HEATR6: variants seen among roughly 807,000 people sequenced by gnomAD.
HEATR6 encodes HEAT repeat containing 6.
A neutral mutation model predicts 132.8 loss-of-function variants in HEATR6; 106 were observed. The ratio of observed to expected loss-of-function variants is 0.80; its 90% CI spans 0.68 to 0.94. The LOEUF (loss-of-function observed/expected upper bound fraction) is 0.94, where lower values mean the gene tolerates loss of function less well. Among genes scored for constraint, HEATR6 ranks in the 40% least tolerant of loss-of-function variants. The pLI is 0.00. For missense variants in HEATR6, 1,339 were observed against 1,425.1 expected, an observed-to-expected ratio of 0.94 and a Z score of 0.97; for synonymous variants, 529 against 537.8, an observed-to-expected ratio of 0.98 and a Z score of 0.23.
At chr17:60,078,108 G>C (rs888550548) in intron 1 of HEATR6, among the ~76,000 whole-genome samples, 1 of 152,186 alleles carries the variant, frequency 6.6e-6, no homozygotes, top group Non-Finnish European at 1.5e-5. Context: ...TCTTTCCTAC[G>C]TAGGGCCAGA....
At chr17:60,051,385 T>C (rs1906571537) in intron 14 of HEATR6, among the ~76,000 whole-genome samples, 1 of 152,230 alleles carries the variant, frequency 6.6e-6, no homozygotes, top group African/African-American at 2.4e-5. Flanking sequence ...ATTCCTACTT[T>C]TTCACACAAG....
chr17:60,061,374 A>C (rs1444555818), intron 9 of HEATR6, among the ~76,000 whole-genome samples: 1 of 152,238 alleles, frequency 6.6e-6, no homozygotes, highest in Non-Finnish European at 1.5e-5. Flanking sequence ...AGAATTAAGC[A>C]TAATCCCCTA....
intron 1 of HEATR6, among the ~76,000 whole-genome samples, chr17:60,077,412 G>C (rs1243265220): frequency 6.6e-6 from 1 of 152,214 alleles, no homozygotes; most frequent in African/African-American, 2.4e-5. Context: ...AGTAACAGGA[G>C]AGAATGGAAG....
Position 60,043,969 on chromosome 17 carries a change from A to C in HEATR6, c.3140T>G (p.Val1047Gly). 1 of 1,614,106 alleles carries C rather than the reference A, an allele frequency of 6.2e-7. No individual in the cohort carries two copies. Among genetic ancestry groups the C allele is most frequent in the Non-Finnish European group, 8.5e-7 (1 of 1,180,028 alleles). The change falls in exon 20 of 20, where the codon GTC becomes GGC. Residue 1047 changes from valine (V) to glycine (G), a missense_variant. Coordinates refer to ENST00000184956, the MANE Select transcript of HEATR6 (RefSeq NM_022070.5). The part of the protein sequence containing the change: ...DQYARIWNAL[V>G]TALQKSEDTI... ...GTCTTCACTCTTCTGTAAAGCGGTG[A>C]CCAATGCATTCCAGATCCGAGCATA... is the stretch of plus-strand genomic sequence containing the variant.
intron 9 of HEATR6, among the ~76,000 whole-genome samples, chr17:60,061,396 T>G (rs2083210239): frequency 6.6e-6 from 1 of 152,150 alleles, no homozygotes; most frequent in Admixed American, 6.5e-5. Flanking sequence ...GGTGGGAAAT[T>G]GACAATGTAT....
chr17:60,055,873 A>T (rs1407727696), intron 13 of HEATR6, among the ~76,000 whole-genome samples: 1 of 152,202 alleles, frequency 6.6e-6, no homozygotes, highest in African/African-American at 2.4e-5. Flanking sequence ...TCTTTCAAGG[A>T]CTGAAATCAA....
chr17:60,077,509 A>G lies in HEATR6; in HGVS notation c.219+1187T>C, dbSNP rs1237143056. Among the ~76,000 whole-genome samples, 5 of 152,184 alleles carry G rather than the reference A, an allele frequency of 3.3e-5. No homozygotes were observed. The East Asian group carries it at 7.7e-4, about 23-fold the overall frequency. ...CTCACTCTGCTTCCTAATGACATAC[A>G]CTATTATTCTGTAGTCAATTCTTTC... On this transcript the variant is annotated intron_variant, in intron 1 of 19. Coordinates refer to ENST00000184956, the MANE Select transcript of HEATR6 (RefSeq NM_022070.5).
At chr17:60,066,947 G>A (rs1247385166) in intron 8 of HEATR6, among the ~76,000 whole-genome samples, 4 of 152,178 alleles carry the variant, frequency 2.6e-5, no homozygotes, top group Non-Finnish European at 5.9e-5. Flanking sequence ...ATATTCTAAG[G>A]AGAGGAATGA....
chr17:60,049,299 T>G (rs1906501811), intron 16 of HEATR6, among the ~76,000 whole-genome samples: 1 of 151,506 alleles, frequency 6.6e-6, no homozygotes, highest in African/African-American at 2.4e-5. Flanking sequence ...TGGCTAATTT[T>G]TAAAATTTTT....
At chr17:60,050,775 A>C in intron 15 of HEATR6, 68 bp downstream of exon 15, 1 of 1,581,216 alleles carries the variant, frequency 6.3e-7, no homozygotes, top group Non-Finnish European at 8.6e-7. Context: ...TTCAAAATGC[A>C]AAAGCATCAA....
At chr17:60,076,087 TC>T in intron 2 of HEATR6, 42 bp downstream of exon 2, 4 of 1,197,862 alleles carry the variant, frequency 3.3e-6, no homozygotes, top group Non-Finnish European at 5.0e-6. Context: ...TTACTTACTC[TC>T]AAAGTTCATG....
chr17:60,075,570 A>G (rs1568649928), intron 2 of HEATR6: 1 of 152,240 alleles, frequency 6.6e-6, no homozygotes, highest in Non-Finnish European at 1.5e-5. Context: ...AAGCATCAAA[A>G]GTAGACCATA....
chr17:60,048,943 C>A (rs994583044), intron 16 of HEATR6, among the ~76,000 whole-genome samples: 33 of 120,994 alleles, frequency 2.7e-4, no homozygotes, highest in South Asian at 5.1e-4. Flanking sequence ...AGGCTGTGTG[C>A]TAAGTAATTA....
At chr17:60,049,892 G>A (rs1035455679) in intron 15 of HEATR6, among the ~76,000 whole-genome samples, 190 bp from the exon 16 acceptor site, 1 of 152,210 alleles carries the variant, frequency 6.6e-6, no homozygotes, top group Non-Finnish European at 1.5e-5. Context: ...CCCACTTTGT[G>A]CAAGACACAC....
rs1473228821 is a variant in HEATR6, at chr17:60,042,124, G to A, written c.*1439C>T. 1.3e-5 allele frequency among the ~76,000 whole-genome samples: 2 copies of A among 152,162 alleles called. No individual in the cohort carries two copies. The highest frequency in any genetic ancestry group is 2.4e-5 in the African/African-American group (1 of 41,434). ...TTTTCTTAAAGGCACAAATTAAAAG[G>A]TGGCAAAACAACCATATATTTAGTG... On this transcript the variant is annotated 3_prime_UTR_variant, in exon 20 of 20. Transcript: ENST00000184956.
At position 60,044,079 on chromosome 17, in the gene HEATR6, T is replaced by C; in HGVS notation, c.3030A>G (p.Ser1010=). 1 of 1,614,112 alleles carries C rather than the reference T, an allele frequency of 6.2e-7. No individual in the cohort carries two copies. The highest frequency in any genetic ancestry group is 8.5e-7 in the Non-Finnish European group (1 of 1,179,998). ...AYNALTSVVT[S]CKNFKVRIRS... ...TGATGCGCACTTTGAAGTTCTTGCA[T>C]GATGTCACGACCGATGTCAGGGCAT... The change falls in exon 20 of 20, where the codon TCA becomes TCG. Residue 1010 remains serine, a synonymous_variant. Transcript: ENST00000184956.
In HEATR6 at chr17:60,043,739, T is replaced by G; in HGVS notation, c.3370A>C (p.Ser1124Arg). 6.2e-7 allele frequency: 1 copy of G among 1,614,208 alleles called. No individual in the cohort carries two copies. The highest frequency in any genetic ancestry group is 8.5e-7 in the Non-Finnish European group (1 of 1,180,032). The change falls in exon 20 of 20, where the codon AGC (serine) becomes CGC (arginine). Residue 1124 changes from serine (S) to arginine (R), a missense_variant. Ser to Arg is a moderately radical substitution (Grantham distance 110). Transcript: ENST00000184956. ...AEGDDTGAPH[S>R]PQERDQMVRM... The stretch of plus-strand genomic sequence containing the variant: ...ACCATCTGGTCTCTTTCCTGTGGGC[T>G]GTGGGGTGCTCCAGTGTCATCTCCC...
intron 7 of HEATR6, among the ~76,000 whole-genome samples, chr17:60,068,735 C>G (rs2083255099): frequency 6.6e-6 from 1 of 151,968 alleles, no homozygotes; most frequent in Non-Finnish European, 1.5e-5. Context: ...ACTCATTCCT[C>G]CTTGTCTGTA....
intron 8 of HEATR6, 47 bp downstream of exon 8, chr17:60,067,386 CA>C: frequency 1.5e-6 from 2 of 1,337,314 alleles, no homozygotes; most frequent in Non-Finnish European, 2.0e-6. Flanking sequence ...TATAAACTTA[CA>C]TGCAACTTAG....
Sources: gnomAD v4.1 joint callset for allele counts (sites outside exome capture counted in the v4.1 genomes callset) on GRCh38, gnomAD v4.1.1 for gene constraint, MANE v1.5 for transcripts, NCBI Gene and HGNC (gene_info 2026-07-23, HGNC 2026-07-21) for gene names.